SPAG17: variants seen among roughly 807,000 people sequenced by gnomAD.
SPAG17 encodes the protein sperm-associated antigen 17.
SPAG17 carries 169 observed loss-of-function variants against 273.6 expected under a neutral mutation model. The ratio of observed to expected loss-of-function variants is 0.62; its 90% CI spans 0.55 to 0.70. The LOEUF is 0.70. SPAG17 is among the 30% of genes least tolerant of loss of function. The pLI, the probability that SPAG17 is intolerant of heterozygous loss-of-function variation, is 0.00. For missense variants in SPAG17, 2,557 were observed against 2,627.8 expected, an observed-to-expected ratio of 0.97 and a Z score of 0.59; for synonymous variants, 825 against 873.2, an observed-to-expected ratio of 0.94 and a Z score of 0.97.
chr1:118,176,094 C>T (rs923263288), intron 1 of SPAG17, among the ~76,000 whole-genome samples: 1 of 151,918 alleles, frequency 6.6e-6, no homozygotes, highest in African/African-American at 2.4e-5. Flanking sequence ...AAGGCAAAAA[C>T]CTATAATAGA....
intron 48 of SPAG17, among the ~76,000 whole-genome samples, chr1:117,956,596 T>C (rs542119740): frequency 6.6e-6 from 1 of 152,310 alleles, no homozygotes; most frequent in East Asian, 1.9e-4. Flanking sequence ...AGATTTTAAA[T>C]TGGAATTGAT....
chr1:118,039,380 G>T lies in SPAG17; in HGVS notation c.3231C>A (p.Asp1077Glu). ...DNHNFMIHLN[D>E]PKEIVKKEEK... ...CTTCCTTTTTCACAATTTCCTTAGG[G>T]TCATTTAAATGAATCATAAAATTGT... Residue 1077 changes from aspartate to glutamate, a missense_variant, in exon 23 of 49, where the codon GAC becomes GAA. Physicochemically the swap from Asp to Glu is conservative, Grantham distance 45. Coordinates refer to ENST00000336338, the MANE Select transcript of SPAG17 (RefSeq NM_206996.4). 1.9e-6 allele frequency: 3 copies of T among 1,613,084 alleles called. No individual in the cohort carries two copies. Among genetic ancestry groups the T allele is most frequent in the Non-Finnish European group, 2.5e-6 (3 of 1,179,500 alleles).
At chr1:118,054,184 C>A (rs1301562927) in intron 19 of SPAG17, 91 bp from the exon 20 acceptor site, 51 of 738,948 alleles carry the variant, frequency 6.9e-5, no homozygotes, top group Non-Finnish European at 2.2e-6. Flanking sequence ...ATCTCAAAGG[C>A]TTTCAAGTTC....
chr1:118,084,530 G>A (rs1053955154), intron 13 of SPAG17, among the ~76,000 whole-genome samples: 3 of 152,170 alleles, frequency 2.0e-5, no homozygotes, highest in Non-Finnish European at 2.9e-5. Flanking sequence ...CAGATGAGAC[G>A]TGATTCTAGA....
intron 1 of SPAG17, among the ~76,000 whole-genome samples, chr1:118,167,222 AGT>A (rs1419529860): frequency 6.6e-6 from 1 of 152,194 alleles, no homozygotes; most frequent in Non-Finnish European, 1.5e-5. Context: ...TTTTTTTAAA[AGT>A]GTTTTGCCGT....
At chr1:118,171,132 A>T (rs1361381718) in intron 1 of SPAG17, among the ~76,000 whole-genome samples, 1 of 152,190 alleles carries the variant, frequency 6.6e-6, no homozygotes, top group Non-Finnish European at 1.5e-5. Context: ...GGTAGAAGTG[A>T]GATGTTATAG....
chr1:118,183,131 A>G (rs1193848334), intron 1 of SPAG17, among the ~76,000 whole-genome samples: 1 of 152,144 alleles, frequency 6.6e-6, no homozygotes, highest in Non-Finnish European at 1.5e-5. Flanking sequence ...TTTATGGAAG[A>G]CTGGAGGAAT....
At chr1:118,054,126 C>T in intron 19 of SPAG17, 33 bp from the exon 20 acceptor site, 1 of 1,424,808 alleles carries the variant, frequency 7.0e-7, no homozygotes, top group East Asian at 2.3e-5. Flanking sequence ...TTCTTAGTAA[C>T]TCTTAAATAA....
rs1045842387 is a variant in SPAG17, at chr1:117,982,017, G to T, written c.5873-616C>A. Reference sequence around the variant, plus strand: ...TTCAAGAGGAGAATAAGCAGTGTTTGGTTAGTGCTGACTGCCCAGGCTGCA... The same window carrying T: ...TTCAAGAGGAGAATAAGCAGTGTTTTGTTAGTGCTGACTGCCCAGGCTGCA... On this transcript the variant is annotated intron_variant, in intron 42 of 48. Transcript: ENST00000336338. Among the ~76,000 whole-genome samples the T allele has an allele frequency of 2.0e-5, 3 of 152,218 alleles. No individual in the cohort carries two copies. The East Asian group carries it at 5.8e-4, about 29-fold the overall frequency.
At chr1:118,125,930 T>C (rs1467531693) in intron 3 of SPAG17, among the ~76,000 whole-genome samples, 1 of 152,114 alleles carries the variant, frequency 6.6e-6, no homozygotes, top group East Asian at 1.9e-4. Flanking sequence ...TATTTTTAGT[T>C]TTTTTGAGAA....
At chr1:118,124,482 C>G (rs1274885921) in intron 3 of SPAG17, among the ~76,000 whole-genome samples, 1 of 152,210 alleles carries the variant, frequency 6.6e-6, no homozygotes, top group African/African-American at 2.4e-5. Flanking sequence ...AGTATATTCA[C>G]TCCTTAAATA....
intron 36 of SPAG17, 65 bp from the exon 37 acceptor site, chr1:117,991,593 G>T (rs1190743465): frequency 2.0e-6 from 2 of 983,158 alleles, no homozygotes; most frequent in Non-Finnish European, 1.5e-6. Context: ...ATACAAAAAT[G>T]GTCATCAACT....
intron 28 of SPAG17, among the ~76,000 whole-genome samples, chr1:118,019,421 A>G (rs1171969484): frequency 1.3e-5 from 2 of 152,152 alleles, no homozygotes; most frequent in Non-Finnish European, 1.5e-5. Flanking sequence ...AAAGACCTAA[A>G]GTAATTGTTT....
chr1:117,956,233 T>C (rs1333816715), intron 48 of SPAG17, among the ~76,000 whole-genome samples: 5 of 152,182 alleles, frequency 3.3e-5, no homozygotes, highest in African/African-American at 7.2e-5. Context: ...TCCCAACATT[T>C]TGGGACACTT....
chr1:118,091,368 T>G (rs1336370406), intron 10 of SPAG17, among the ~76,000 whole-genome samples: 1 of 152,192 alleles, frequency 6.6e-6, no homozygotes, highest in African/African-American at 2.4e-5. Context: ...ATTGAGGATA[T>G]GTTCTACCAA....
intron 20 of SPAG17, among the ~76,000 whole-genome samples, chr1:118,043,303 A>T (rs1475806853): frequency 6.6e-6 from 1 of 152,150 alleles, no homozygotes; most frequent in African/African-American, 2.4e-5. Context: ...AAGACCAATA[A>T]ATCAAAAACA....
At chr1:118,043,207 T>C (rs1410319625) in intron 20 of SPAG17, among the ~76,000 whole-genome samples, 2 of 152,172 alleles carry the variant, frequency 1.3e-5, no homozygotes, top group Non-Finnish European at 2.9e-5. Flanking sequence ...GAAAATGGAA[T>C]TGAATTTTTG....
rs1651762591 is a variant in SPAG17, at chr1:117,953,723, T to C, written c.*327A>G. The C allele has an allele frequency of 4.7e-6, 3 of 636,850 alleles. No individual in the cohort carries two copies. The highest frequency in any genetic ancestry group is 1.8e-5 in the African/African-American group (1 of 54,372). The allele number at this position is 636,850 out of a possible 1,614,324, so 39.4% of individuals were successfully genotyped here. Reference sequence around the variant, plus strand: ...AAGATGGGAGTAGTCCTGAATCTCTTTGATCAATATGTGCTCCTTTCAGGT... The same window carrying C: ...AAGATGGGAGTAGTCCTGAATCTCTCTGATCAATATGTGCTCCTTTCAGGT... On this transcript the variant is annotated 3_prime_UTR_variant, in exon 49 of 49. Transcript: ENST00000336338.
At chr1:117,987,027 C>T (rs977106291) in intron 40 of SPAG17, among the ~76,000 whole-genome samples, 2 of 152,134 alleles carry the variant, frequency 1.3e-5, no homozygotes, top group African/African-American at 4.8e-5. Flanking sequence ...CTATAGCCCC[C>T]CAGCTTATTA....
Sources: gnomAD v4.1 joint callset for allele counts (sites outside exome capture counted in the v4.1 genomes callset) on GRCh38, gnomAD v4.1.1 for gene constraint, MANE v1.5 for transcripts, NCBI Gene and HGNC (gene_info 2026-07-23, HGNC 2026-07-21) for gene names.